The following HDGFL3 variants were observed in gnomAD, a reference collection of about 807,000 sequenced individuals.
HDGFL3 encodes the protein HDGF like 3, also known as hepatoma-derived growth factor-related protein 3.
A neutral mutation model predicts 27.6 loss-of-function variants in HDGFL3; 6 were observed. That is an observed-to-expected ratio of 0.22 (90% CI 0.12 to 0.43). HDGFL3 has a LOEUF of 0.43. HDGFL3 is among the 20% of genes least tolerant of loss of function. HDGFL3 has a pLI of 1.00. For synonymous variants in HDGFL3, 88 were observed against 88.9 expected, an observed-to-expected ratio of 0.99 and a Z score of 0.05; for missense variants, 207 against 250.1, an observed-to-expected ratio of 0.83 and a Z score of 1.16.
intron 3 of HDGFL3, chr15:83,116,030 G>A: frequency 2.0e-6 from 2 of 1,023,200 alleles, no homozygotes; most frequent in Non-Finnish European, 3.1e-6. Context: ...CTCTCATTTA[G>A]TGTGAACAGG....
At chr15:83,117,803 G>A (rs2034809723) in intron 3 of HDGFL3, among the ~76,000 whole-genome samples, 1 of 152,102 alleles carries the variant, frequency 6.6e-6, no homozygotes, top group Admixed American at 6.5e-5. Context: ...CAAGAGCCAG[G>A]CCTTGAGAAT....
intron 4 of HDGFL3, among the ~76,000 whole-genome samples, chr15:83,153,485 C>T (rs1451546956): frequency 1.3e-5 from 2 of 152,118 alleles, no homozygotes; most frequent in South Asian, 2.1e-4. Flanking sequence ...TGAGTCACAA[C>T]ATTTGGTATT....
Position 83,136,346 on chromosome 15 carries a change from G to A in HDGFL3, c.*2924C>T. 1.7e-6 allele frequency: 1 copy of A among 574,798 alleles called. No homozygotes were observed. Among genetic ancestry groups the A allele is most frequent in the South Asian group, 3.7e-5 (1 of 27,372 alleles). The allele number at this position is 574,798 out of a possible 1,614,324, so 35.6% of individuals were successfully genotyped here. A position where few individuals can be genotyped will look rare whatever the true frequency, so the allele number is the denominator to read the frequency against. On this transcript the variant is annotated 3_prime_UTR_variant, in exon 6 of 6. Coordinates refer to ENST00000299633, the MANE Select transcript of HDGFL3 (RefSeq NM_016073.4). Reference sequence around the variant, plus strand: ...TGACATTAAAGACTCTGGATTGTTTGAAGGTATTTTGCCTGCAGGTGAGAC... The same window carrying A: ...TGACATTAAAGACTCTGGATTGTTTAAAGGTATTTTGCCTGCAGGTGAGAC...
intron 1 of HDGFL3, among the ~76,000 whole-genome samples, chr15:83,174,035 A>C (rs1293181766): frequency 6.6e-6 from 1 of 152,230 alleles, no homozygotes; most frequent in African/African-American, 2.4e-5. Flanking sequence ...TTCAGTCTAG[A>C]AACTTATTAT....
chr15:83,147,270 C>G (rs1187757145), intron 5 of HDGFL3, among the ~76,000 whole-genome samples: 1 of 152,018 alleles, frequency 6.6e-6, no homozygotes, highest in African/African-American at 2.4e-5. Context: ...CCATGTTGGC[C>G]AGGATGGTCT....
intron 4 of HDGFL3, among the ~76,000 whole-genome samples, chr15:83,156,312 G>T (rs145991025): frequency 2.0e-5 from 3 of 152,126 alleles, no homozygotes; most frequent in Admixed American, 6.5e-5. Flanking sequence ...ACCTATTTTA[G>T]GTCCCCCTGC....
chr15:83,126,659 G>A (rs2035773483), downstream of HDGFL3: 2 of 945,436 alleles, frequency 2.1e-6, no homozygotes, highest in Admixed American at 2.2e-5. Flanking sequence ...AAACAGCAAA[G>A]CAGCTTGTGA....
At chr15:83,192,806 A>G (rs2151420558) in intron 1 of HDGFL3, among the ~76,000 whole-genome samples, 1 of 152,354 alleles carries the variant, frequency 6.6e-6, no homozygotes, top group East Asian at 1.9e-4. Flanking sequence ...TATATGTACA[A>G]CATCTGATTC....
intron 1 of HDGFL3, among the ~76,000 whole-genome samples, chr15:83,181,319 G>A (rs17568459): frequency 0.25 from 37,762 of 152,114 alleles, 5,026 homozygotes; most frequent in African/African-American, 0.34. Flanking sequence ...TGATTCTGGA[G>A]GAAGAATATA....
intron 2 of HDGFL3, among the ~76,000 whole-genome samples, chr15:83,160,193 T>G (rs991934738): frequency 2.0e-5 from 3 of 148,580 alleles, no homozygotes; most frequent in Non-Finnish European, 3.0e-5. Flanking sequence ...TCTCTAAGGT[T>G]TTTTTTTTTT....
At chr15:83,165,061 C>T (rs188964149) in intron 1 of HDGFL3, among the ~76,000 whole-genome samples, 26 of 152,322 alleles carry the variant, frequency 1.7e-4, no homozygotes, top group Middle Eastern at 6.8e-3. Flanking sequence ...TCTTCTGAGA[C>T]GGCATCAGGC....
chr15:83,144,848 T>A (rs2036858078), intron 5 of HDGFL3: 1 of 297,534 alleles, frequency 3.4e-6, no homozygotes, highest in Admixed American at 4.7e-5. Flanking sequence ...AATGCTGCTT[T>A]AAGTCACTAG....
chr15:83,195,619 A>C (rs958150578), intron 1 of HDGFL3, among the ~76,000 whole-genome samples: 1 of 152,110 alleles, frequency 6.6e-6, no homozygotes, highest in Non-Finnish European at 1.5e-5. Flanking sequence ...TGAGATTATA[A>C]TGGTAGAACA....
At chr15:83,180,469 T>G (rs756365458) in intron 1 of HDGFL3, among the ~76,000 whole-genome samples, 12 of 151,954 alleles carry the variant, frequency 7.9e-5, no homozygotes, top group Non-Finnish European at 1.6e-4. Flanking sequence ...CCCTAACATG[T>G]GATGTTGTTA....
At chr15:83,159,480 G>A (rs1442595214) in intron 2 of HDGFL3, among the ~76,000 whole-genome samples, 1 of 152,116 alleles carries the variant, frequency 6.6e-6, no homozygotes, top group East Asian at 1.9e-4. Flanking sequence ...AAACATCTCT[G>A]TTTTCTTGGA....
At chr15:83,144,557 TCCATGGGG>T (rs1368226522) in intron 5 of HDGFL3, 1 of 455,976 alleles carries the variant, frequency 2.2e-6, no homozygotes, top group Non-Finnish European at 4.4e-6. Flanking sequence ...CATGGTGAGA[TCCATGGGG>T]CAAGGCATCA....
chr15:83,188,237 T>C (rs1420047981), intron 1 of HDGFL3, among the ~76,000 whole-genome samples: 1 of 152,166 alleles, frequency 6.6e-6, no homozygotes, highest in African/African-American at 2.4e-5. Flanking sequence ...TTTCTGCATT[T>C]CCCTACAGGG....
rs749998701 is a variant in HDGFL3, at chr15:83,191,935, CTTTTTT to C, written c.84+15390_84+15395del. Among the ~76,000 whole-genome samples, 11 of 106,704 alleles carry C rather than the reference CTTTTTT, an allele frequency of 1.0e-4. No homozygotes were observed. The East Asian group carries it at 1.7e-3, about 16-fold the overall frequency. The allele number at this position is 106,704 out of a possible 152,430, so 70.0% of individuals were successfully genotyped here. ...TGCATCCTATTGTAACTTATCTCTC[CTTTTTT>C]TTTTTTTTTTTTTTTTTGAGACAGA... On this transcript the variant is annotated intron_variant, in intron 1 of 5. Transcript: ENST00000299633.
intron 1 of HDGFL3, among the ~76,000 whole-genome samples, chr15:83,189,193 T>C (rs4563011): frequency 0.25 from 37,989 of 151,562 alleles, 5,137 homozygotes; most frequent in African/African-American, 0.35. Context: ...CTTCCCCTAC[T>C]CCACCCCTCC....
Sources: allele counts gnomAD v4.1 joint callset (sites outside exome capture counted in the v4.1 genomes callset), GRCh38; gene constraint gnomAD v4.1.1; transcripts MANE v1.5; gene names NCBI Gene and HGNC (gene_info 2026-07-23, HGNC 2026-07-21).